DAB1: variants seen among roughly 807,000 people sequenced by gnomAD.
DAB1 encodes the protein DAB adaptor protein 1, also known as disabled homolog 1.
A neutral mutation model predicts 64.6 loss-of-function variants in DAB1; 15 were observed. That is an observed-to-expected ratio of 0.23 (90% confidence interval 0.16 to 0.36). The LOEUF is 0.36. Among genes scored for constraint, DAB1 ranks in the 10% least tolerant of loss-of-function variants. The pLI is 1.00. For missense variants in DAB1, 596 were observed against 706.7 expected, an observed-to-expected ratio of 0.84 and a Z score of 1.78; for synonymous variants, 235 against 251.9, an observed-to-expected ratio of 0.93 and a Z score of 0.64.
intron 6 of DAB1, among the ~76,000 whole-genome samples, chr1:57,659,566 A>C (rs1646360437): frequency 2.0e-5 from 3 of 152,100 alleles, no homozygotes; most frequent in Admixed American, 6.6e-5. Flanking sequence ...TGAACAAGTC[A>C]CTTTCCTCCC....
chr1:57,198,278 G>C (rs1481083368), intron 2 of DAB1, among the ~76,000 whole-genome samples: 3 of 151,968 alleles, frequency 2.0e-5, no homozygotes, highest in Admixed American at 2.0e-4. Context: ...GACAGAGTAA[G>C]GCATGCAGGC....
intron 7 of DAB1, chr1:57,070,634 C>A: frequency 4.4e-6 from 1 of 228,294 alleles, no homozygotes; most frequent in East Asian, 1.2e-4. Flanking sequence ...TGCTAAAATG[C>A]TACCAAAATG....
At chr1:57,302,666 C>CA (rs1241514954) in intron 1 of DAB1, among the ~76,000 whole-genome samples, 3 of 152,016 alleles carry the variant, frequency 2.0e-5, no homozygotes, top group African/African-American at 7.3e-5. Flanking sequence ...TGCAGTGGTA[C>CA]AATCATACCT....
intron 6 of DAB1, among the ~76,000 whole-genome samples, chr1:57,731,996 GT>G (rs1647450330): frequency 6.6e-6 from 1 of 152,156 alleles, no homozygotes; most frequent in African/African-American, 2.4e-5. Context: ...AGGACTTCAT[GT>G]GATTTTTAAG....
At chr1:57,424,922 A>T, upstream of DAB1, among the ~76,000 whole-genome samples, 1 of 152,194 alleles carries the variant, frequency 6.6e-6, no homozygotes, top group Admixed American at 6.5e-5. Flanking sequence ...GACTGGGAGT[A>T]AACAATCCTC....
intron 1 of DAB1, among the ~76,000 whole-genome samples, chr1:57,376,175 T>A (rs923748000): frequency 3.9e-5 from 6 of 152,198 alleles, no homozygotes; most frequent in Non-Finnish European, 8.8e-5. Flanking sequence ...AATCAACTGC[T>A]CTGCCAGACT....
chr1:58,057,353 T>G (rs984079883), intron 5 of DAB1, among the ~76,000 whole-genome samples: 2 of 152,182 alleles, frequency 1.3e-5, no homozygotes, highest in Non-Finnish European at 2.9e-5. Context: ...AATATAACTT[T>G]CTTTGGAAGC....
chr1:57,813,535 C>T (rs1289860179), intron 6 of DAB1, among the ~76,000 whole-genome samples: 1 of 152,148 alleles, frequency 6.6e-6, no homozygotes, highest in Non-Finnish European at 1.5e-5. Context: ...TCTCACAATG[C>T]GGTAAGTGCT....
At chr1:57,920,145 T>C (rs77519094) in intron 5 of DAB1, among the ~76,000 whole-genome samples, 11 of 152,270 alleles carry the variant, frequency 7.2e-5, no homozygotes, top group East Asian at 1.9e-4. Context: ...GTTTGTAGAA[T>C]TGTAAGTCAG....
At chr1:57,756,228 G>C (rs569657006) in intron 6 of DAB1, among the ~76,000 whole-genome samples, 1 of 152,146 alleles carries the variant, frequency 6.6e-6, no homozygotes, top group East Asian at 1.9e-4. Flanking sequence ...CAGTCACATT[G>C]CCCTCATTTT....
chr1:58,233,604 T>A (rs1659884622), intron 4 of DAB1, among the ~76,000 whole-genome samples: 1 of 152,130 alleles, frequency 6.6e-6, no homozygotes, highest in Non-Finnish European at 1.5e-5. Flanking sequence ...AGTATTTACA[T>A]CCCCTGTAAT....
At position 57,953,079 on chromosome 1, in the gene DAB1, C is replaced by G. The variant is rs553600371; in HGVS notation, n.388-68917G>C. Among the ~76,000 whole-genome samples, 59 of 152,330 alleles carry G rather than the reference C, an allele frequency of 3.9e-4. 2 individuals carry two copies. The South Asian group carries it at 0.012, about 31-fold the overall frequency. ...AGTCTCATCTTATAGAGGCAAACAA[C>G]TCTTTCATTAAGTCCTCATATTTAT... is the stretch of plus-strand genomic sequence containing the variant. On this transcript the variant is annotated intron_variant and non_coding_transcript_variant, in intron 5 of 20. Coordinates refer to the DAB1 transcript ENST00000485760.
At chr1:58,368,950 G>A (rs1033212193) in intron 3 of DAB1, among the ~76,000 whole-genome samples, 1 of 152,128 alleles carries the variant, frequency 6.6e-6, no homozygotes, top group African/African-American at 2.4e-5. Flanking sequence ...AAGCCCAGGA[G>A]GTCAAGGCTG....
intron 4 of DAB1, among the ~76,000 whole-genome samples, chr1:57,098,260 C>G (rs1448555272): frequency 6.6e-6 from 1 of 152,090 alleles, no homozygotes; most frequent in Non-Finnish European, 1.5e-5. Flanking sequence ...TACTTGGTGC[C>G]AGTGTAGTTG....
intron 3 of DAB1, among the ~76,000 whole-genome samples, chr1:58,373,394 T>C (rs1644288906): frequency 6.9e-6 from 1 of 144,492 alleles, no homozygotes; most frequent in African/African-American, 2.5e-5. Context: ...CATTGTTCAA[T>C]TCCCACCTAT....
chr1:58,189,984 C>G (rs935029335), intron 4 of DAB1, among the ~76,000 whole-genome samples: 9 of 152,194 alleles, frequency 5.9e-5, no homozygotes, highest in Non-Finnish European at 1.3e-4. Flanking sequence ...TCTTCCCCTC[C>G]TGATACTTCT....
At chr1:58,259,930 TATTA>T (rs1239467794) in intron 4 of DAB1, among the ~76,000 whole-genome samples, 1 of 152,220 alleles carries the variant, frequency 6.6e-6, no homozygotes, top group Non-Finnish European at 1.5e-5. Context: ...GCCTTATACA[TATTA>T]AACCATTTAA....
intron 2 of DAB1, among the ~76,000 whole-genome samples, chr1:57,238,748 G>A (rs905306008): frequency 1.3e-5 from 2 of 151,908 alleles, no homozygotes; most frequent in African/African-American, 4.8e-5. Context: ...CATGTACAAT[G>A]ACTGGAAATA....
At chr1:57,493,762 G>GCACACACACACACACACACA (rs1414667024) in intron 7 of DAB1, among the ~76,000 whole-genome samples, 226 of 150,186 alleles carry the variant, frequency 1.5e-3, no homozygotes, top group African/African-American at 4.4e-3. Context: ...CGTATTCACA[G>GCACACACACACACACACACA]CTCACACACA....
Sources: gnomAD v4.1 joint callset for allele counts (sites outside exome capture counted in the v4.1 genomes callset) on GRCh38, gnomAD v4.1.1 for gene constraint, MANE v1.5 for transcripts, NCBI Gene and HGNC (gene_info 2026-07-23, HGNC 2026-07-21) for gene names.